Variants in ITSN2 observed in about 807,000 individuals in gnomAD.
The protein encoded by ITSN2 is intersectin 2.
Under a neutral mutation model 243.7 loss-of-function variants are expected in ITSN2, and 156 were observed. The ratio of observed to expected loss-of-function variants is 0.64; its 90% CI spans 0.56 to 0.73. The LOEUF (loss-of-function observed/expected upper bound fraction) is 0.73. ITSN2 is among the 30% of genes least tolerant of loss of function. The pLI is 0.00. For synonymous variants in ITSN2, 703 were observed against 699.9 expected, an observed-to-expected ratio of 1.00 and a Z score of -0.07; for missense variants, 1,801 against 1,996.1, an observed-to-expected ratio of 0.90 and a Z score of 1.86.
At chr2:24,243,790 T>C (rs1194528492) in intron 29 of ITSN2, among the ~76,000 whole-genome samples, 1 of 152,188 alleles carries the variant, frequency 6.6e-6, no homozygotes, top group African/African-American at 2.4e-5. Flanking sequence ...TTACAATTGG[T>C]TGTCTTCTAG....
chr2:24,232,132 G>C (rs1283321900), intron 29 of ITSN2, among the ~76,000 whole-genome samples: 2 of 152,080 alleles, frequency 1.3e-5, no homozygotes, highest in African/African-American at 2.4e-5. Flanking sequence ...AATAATTACT[G>C]GACAAATTTC....
rs1265134806 is a variant in ITSN2, at chr2:24,202,933, T to C, written c.*693A>G. On this transcript the variant is annotated 3_prime_UTR_variant, in exon 40 of 40. Transcript: ENST00000355123. ...GGCAATGATAAAGCTTAAAGATGCA[T>C]GTCCTAAGAAATATGCAAAAACAAT... The C allele has an allele frequency of 2.0e-5, 3 of 152,668 alleles. No homozygotes were observed. Among genetic ancestry groups the C allele is most frequent in the Non-Finnish European group, 4.4e-5 (3 of 68,044 alleles). The allele number at this position is 152,668 out of a possible 1,614,324, so 9.5% of individuals were successfully genotyped here.
intron 29 of ITSN2, among the ~76,000 whole-genome samples, chr2:24,227,660 C>T (rs1671176551): frequency 6.6e-6 from 1 of 152,186 alleles, no homozygotes; most frequent in Non-Finnish European, 1.5e-5. Context: ...GTGGCTCACA[C>T]CTGTAATCTG....
chr2:24,319,579 G>C (rs923141953), intron 2 of ITSN2, among the ~76,000 whole-genome samples: 1 of 152,138 alleles, frequency 6.6e-6, no homozygotes, highest in Non-Finnish European at 1.5e-5. Flanking sequence ...CCACCCAGCT[G>C]GTGGCGAGGA....
intron 20 of ITSN2, among the ~76,000 whole-genome samples, chr2:24,266,847 G>A (rs1272890433): frequency 6.6e-6 from 1 of 151,928 alleles, no homozygotes; most frequent in Non-Finnish European, 1.5e-5. Flanking sequence ...TGAGGTGGGA[G>A]GATGGCGTGA....
chr2:24,216,093 G>C lies in ITSN2; in HGVS notation c.3946C>G (p.Gln1316Glu). Residue 1316 changes from glutamine to glutamate, a missense_variant, in exon 32 of 40, where the codon CAG (glutamine) becomes GAG (glutamate). Gln to Glu is a conservative substitution (Grantham distance 29). Coordinates refer to ENST00000355123, the MANE Select transcript of ITSN2 (RefSeq NM_006277.3). Reference protein sequence around the residue: ...SCQLNGAALLQQKTDEDTDFK... With the variant: ...SCQLNGAALLEQKTDEDTDFK... The stretch of plus-strand genomic sequence containing the variant: ...TCTGTGTCTTCATCTGTCTTCTGCT[G>C]TAACAGAGCTGCTCCATTAAGCTGG... The C allele has an allele frequency of 1.9e-6, 3 of 1,611,198 alleles. No homozygotes were observed. Among genetic ancestry groups the C allele is most frequent in the Non-Finnish European group, 2.5e-6 (3 of 1,178,718 alleles).
chr2:24,344,866 C>T (rs879339434), intron 1 of ITSN2, among the ~76,000 whole-genome samples: 25 of 152,122 alleles, frequency 1.6e-4, no homozygotes, highest in Admixed American at 1.4e-3. Flanking sequence ...GCAGGACAAT[C>T]GCTTGAATCT....
At position 24,298,682 on chromosome 2, in the gene ITSN2, G is replaced by A; in HGVS notation, c.1477C>T (p.Leu493Phe). ...AGCCATACCAGTGCTTCCAACTCAA[G>A]ATGAAGATTCTTCTTTTTAGAGTTT... ...RLNSKKKNLH[L>F]ELEALNGKHQ... Residue 493 changes from leucine (L) to phenylalanine (F), a missense_variant, in exon 13 of 40, where the codon CTT becomes TTT. Around this residue, in one of 5 missense-constraint regions of ITSN2, gnomAD observed 787 missense variants for 803.9 expected, o/e 0.98. Coordinates refer to ENST00000355123, the MANE Select transcript of ITSN2 (RefSeq NM_006277.3). The A allele has an allele frequency of 1.9e-6, 3 of 1,601,866 alleles. No individual in the cohort carries two copies. Among genetic ancestry groups the A allele is most frequent in the South Asian group, 2.3e-5 (2 of 87,810 alleles).
upstream of ITSN2, among the ~76,000 whole-genome samples, chr2:24,360,899 C>T (rs1055317971): frequency 1.6e-4 from 24 of 152,352 alleles, no homozygotes; most frequent in African/African-American, 5.8e-4. Flanking sequence ...CCCTGTTGCA[C>T]CCACCACGGG....
Position 24,300,499 on chromosome 2 carries a change from C to G in ITSN2, c.1082-328G>C, listed in dbSNP as rs1326369957. Among the ~76,000 whole-genome samples, 3 of 152,136 alleles carry G rather than the reference C, an allele frequency of 2.0e-5. No homozygotes were observed. In the East Asian group the frequency reaches 5.8e-4, roughly 29 times the overall value. On this transcript the variant is annotated intron_variant, in intron 11 of 39. Coordinates refer to ENST00000355123, the MANE Select transcript of ITSN2 (RefSeq NM_006277.3). ...TTGGGAGGCCAAGGTGGGCGGATCA[C>G]CTGAGGTCAGCAGTTCAAGACCGGC...
intron 37 of ITSN2, among the ~76,000 whole-genome samples, chr2:24,206,734 C>T (rs907747337): frequency 2.6e-5 from 4 of 152,004 alleles, no homozygotes; most frequent in African/African-American, 9.7e-5. Context: ...CTTGAGGGAG[C>T]TTATGGCCAT....
At chr2:24,219,357 G>A (rs915484823) in intron 30 of ITSN2, among the ~76,000 whole-genome samples, 1 of 152,202 alleles carries the variant, frequency 6.6e-6, no homozygotes, top group African/African-American at 2.4e-5. Context: ...ACAAGTGCTG[G>A]GCACTCTCTA....
chr2:24,203,636 G>GT lies in ITSN2; in HGVS notation c.5083dup (p.Thr1695AsnfsTer23). ...TGTCCTTTAGAACCCCTACAGGAGA[G>GT]TTTTTTGCTCAAAAAGCTGCAGGTC... On this transcript the variant is annotated frameshift_variant, in exon 40 of 40. Coordinates refer to ENST00000355123, the MANE Select transcript of ITSN2 (RefSeq NM_006277.3). LOFTEE classifies it high-confidence loss of function. 2.5e-6 allele frequency: 4 copies of GT among 1,613,924 alleles called. No individual in the cohort carries two copies. The highest frequency in any genetic ancestry group is 1.7e-4 in the Middle Eastern group (1 of 6,028).
rs943551489 is a variant in ITSN2 at position 24,204,588 on chromosome 2, C to T, written c.4763-170G>A. ...CCCTGTGGTCTAGTAACAGGGTCTC[C>T]AAGTTCCCAGTGCTGACAGCAGCAT... On this transcript the variant is annotated intron_variant, in intron 38 of 39. Coordinates refer to ENST00000355123, the MANE Select transcript of ITSN2 (RefSeq NM_006277.3). The surrounding 1 kb of genome is among the most constrained non-coding windows in gnomAD (Gnocchi z 5.1). 1 of 695,666 alleles carries T rather than the reference C, an allele frequency of 1.4e-6. No individual in the cohort carries two copies. The highest frequency in any genetic ancestry group is 1.8e-5 in the African/African-American group (1 of 57,086). The allele number at this position is 695,666 out of a possible 1,614,324, so 43.1% of individuals were successfully genotyped here. A position where few individuals can be genotyped will look rare whatever the true frequency, so the allele number is the denominator to read the frequency against.
At chr2:24,254,306 C>A (rs1036009604) in intron 24 of ITSN2, 61 bp downstream of exon 24, 6 of 1,047,014 alleles carry the variant, frequency 5.7e-6, no homozygotes, top group South Asian at 2.5e-5. Flanking sequence ...TATGTGAAGT[C>A]AGGTAGTTAG....
At chr2:24,285,147 A>T (rs938717080) in intron 16 of ITSN2, among the ~76,000 whole-genome samples, 1 of 152,040 alleles carries the variant, frequency 6.6e-6, no homozygotes, top group African/African-American at 2.4e-5. Context: ...CGCCCGCCTC[A>T]GCCTCTCAAA....
chr2:24,347,374 T>C (rs1349087715), intron 1 of ITSN2, among the ~76,000 whole-genome samples: 1 of 78,010 alleles, frequency 1.3e-5, no homozygotes, highest in Non-Finnish European at 2.9e-5. Context: ...GTTTATTATA[T>C]AATGTAATTA....
At chr2:24,279,301 C>A (rs1344684423) in intron 17 of ITSN2, among the ~76,000 whole-genome samples, 1 of 152,216 alleles carries the variant, frequency 6.6e-6, no homozygotes, top group Non-Finnish European at 1.5e-5. Flanking sequence ...AACCACAATT[C>A]TACCATTAAC....
At chr2:24,313,698 T>C (rs574617469) in intron 3 of ITSN2, among the ~76,000 whole-genome samples, 175 bp from the exon 4 acceptor site, 1 of 152,234 alleles carries the variant, frequency 6.6e-6, no homozygotes, top group Admixed American at 6.5e-5. Context: ...ATAAGACAGA[T>C]ATTTTAAAAC....
Sources: allele counts gnomAD v4.1 joint callset (sites outside exome capture counted in the v4.1 genomes callset), GRCh38; gene constraint gnomAD v4.1.1; regional missense constraint gnomAD v4.1.1; non-coding constraint Gnocchi (gnomAD v3.1); transcripts MANE v1.5; gene names NCBI Gene and HGNC (gene_info 2026-07-23, HGNC 2026-07-21).